Variants in CACNB4 observed in about 807,000 individuals in gnomAD.
CACNB4 encodes calcium voltage-gated channel auxiliary subunit beta 4.
Under a neutral mutation model 71.2 loss-of-function variants are expected in CACNB4, and 32 were observed. That is an observed-to-expected ratio of 0.45 (90% confidence interval 0.34 to 0.60). CACNB4 has a LOEUF of 0.60. Among genes scored for constraint, CACNB4 ranks in the 20% least tolerant of loss-of-function variants. CACNB4 has a pLI of 0.01. For synonymous variants in CACNB4, 231 were observed against 236.9 expected, an observed-to-expected ratio of 0.97 and a Z score of 0.23; for missense variants, 464 against 647.9, an observed-to-expected ratio of 0.72 and a Z score of 3.08.
chr2:152,064,335 C>A (rs997235034), intron 2 of CACNB4, among the ~76,000 whole-genome samples: 7 of 152,156 alleles, frequency 4.6e-5, no homozygotes, highest in Non-Finnish European at 1.0e-4. Context: ...ATATTTTATT[C>A]TTTAATATTT....
intron 2 of CACNB4, among the ~76,000 whole-genome samples, chr2:152,038,574 C>A (rs1211634011): frequency 6.6e-6 from 1 of 152,196 alleles, no homozygotes; most frequent in Admixed American, 6.5e-5. Context: ...AGGAAAGGCC[C>A]ACTACTCTGC....
intron 2 of CACNB4, among the ~76,000 whole-genome samples, chr2:152,033,975 C>T (rs1484321792): frequency 6.6e-6 from 1 of 152,038 alleles, no homozygotes; most frequent in Non-Finnish European, 1.5e-5. Flanking sequence ...CTTGGTGTGT[C>T]TGGGTCACAT....
intron 2 of CACNB4, chr2:151,971,233 T>C: frequency 2.0e-6 from 1 of 490,326 alleles, no homozygotes; most frequent in Non-Finnish European, 3.7e-6. Flanking sequence ...AATGGTTTAC[T>C]CTTATTCGGA....
At chr2:152,057,456 G>C (rs1184171905) in intron 2 of CACNB4, among the ~76,000 whole-genome samples, 1 of 152,118 alleles carries the variant, frequency 6.6e-6, no homozygotes, top group Non-Finnish European at 1.5e-5. Context: ...TAAACAAACT[G>C]CCCCTTCACT....
chr2:151,880,467 T>G (rs2099847558), intron 4 of CACNB4: 6 of 336,274 alleles, frequency 1.8e-5, no homozygotes, highest in South Asian at 1.7e-4. Flanking sequence ...GACACCAAAC[T>G]TACATTTTCC....
Position 152,035,665 on chromosome 2 carries a change from A to ATG in CACNB4, c.147+62664_147+62665insCA, listed in dbSNP as rs1553818104. The stretch of plus-strand genomic sequence containing the variant: ...TCTCTCTCTCTCTATATATATATAT[A>ATG]TATGTATGTATGTATTAAGATGCAC... On this transcript the variant is annotated intron_variant, in intron 2 of 13. Transcript: ENST00000539935. Among the ~76,000 whole-genome samples the ATG allele has an allele frequency of 2.7e-4, 38 of 141,714 alleles. 1 individual carries two copies. The highest frequency in any genetic ancestry group is 6.9e-4 in the African/African-American group (25 of 36,408). The allele number at this position is 141,714 out of a possible 152,430, so 93.0% of individuals were successfully genotyped here. A position where few individuals can be genotyped will look rare whatever the true frequency, so the allele number is the denominator to read the frequency against.
At chr2:151,843,100 C>T (rs2099836641) in intron 12 of CACNB4, among the ~76,000 whole-genome samples, 1 of 152,154 alleles carries the variant, frequency 6.6e-6, no homozygotes, top group South Asian at 2.1e-4. Context: ...GTCCACGTTT[C>T]GGACAGTAAG....
intron 12 of CACNB4, among the ~76,000 whole-genome samples, chr2:151,843,147 G>T (rs1240096499): frequency 1.3e-5 from 2 of 152,202 alleles, no homozygotes; most frequent in Admixed American, 6.5e-5. Flanking sequence ...TCAGGAAGTT[G>T]TTCTGTTCCA....
chr2:151,842,795 G>A (rs532631433), intron 12 of CACNB4, among the ~76,000 whole-genome samples: 12 of 152,314 alleles, frequency 7.9e-5, no homozygotes, highest in African/African-American at 2.4e-4. Flanking sequence ...GTGGCACTGA[G>A]AAGGGAGTTC....
rs192738750 is a variant in CACNB4 at position 152,032,865 on chromosome 2, A to G, written c.147+65465T>C. Among the ~76,000 whole-genome samples the G allele has an allele frequency of 4.1e-3, 619 of 152,322 alleles. 9 individuals carry two copies. Among genetic ancestry groups the G allele is most frequent in the African/African-American group, 0.014 (591 of 41,558 alleles). On this transcript the variant is annotated intron_variant, in intron 2 of 13. Coordinates refer to ENST00000539935, the MANE Select transcript of CACNB4 (RefSeq NM_000726.5). Reference sequence around the variant, plus strand: ...GCTACTCAGGAGACTGAGGCAAGAGAATTGATTAAGCCCTGGAGTTCAAGG... The same window carrying G: ...GCTACTCAGGAGACTGAGGCAAGAGGATTGATTAAGCCCTGGAGTTCAAGG...
At chr2:152,077,364 C>T (rs1687090243) in intron 2 of CACNB4, among the ~76,000 whole-genome samples, 2 of 152,156 alleles carry the variant, frequency 1.3e-5, no homozygotes, top group Admixed American at 6.5e-5. Context: ...ACCAGCCTGA[C>T]CAACATGGTG....
intron 2 of CACNB4, among the ~76,000 whole-genome samples, chr2:151,896,292 TA>T (rs2151491059): frequency 6.6e-6 from 1 of 152,338 alleles, no homozygotes; most frequent in Admixed American, 6.5e-5. Flanking sequence ...CCTTGTGCAG[TA>T]ATTTAACTTC....
At position 151,841,933 on chromosome 2, in the gene CACNB4, T is replaced by A. The variant is rs767662214; in HGVS notation, c.1272A>T (p.Ser424=). Residue 424 remains serine, a synonymous_variant, in exon 13 of 14, where the codon TCA becomes TCT. Transcript: ENST00000539935. ...LGRNLGSTAL[S]PYPTAISGLQ... is the part of the protein sequence containing the mutation. ...ACCCAGAAATTGCTGTGGGATATGG[T>A]GAGAGTGCCGTGGAGCCCAAATTCC... 1.9e-6 allele frequency: 3 copies of A among 1,613,926 alleles called. No individual in the cohort carries two copies. The highest frequency in any genetic ancestry group is 2.2e-5 in the South Asian group (2 of 91,072).
chr2:151,931,255 TGAGTAATGCTAA>T (rs2151602887), intron 2 of CACNB4, among the ~76,000 whole-genome samples: 1 of 152,336 alleles, frequency 6.6e-6, no homozygotes, highest in East Asian at 1.9e-4. Context: ...CCAGTTTATA[TGAGTAATGCTAA>T]CTAGTCACTG....
At chr2:152,048,257 T>C (rs1352429252) in intron 2 of CACNB4, among the ~76,000 whole-genome samples, 2 of 152,098 alleles carry the variant, frequency 1.3e-5, no homozygotes, top group Non-Finnish European at 2.9e-5. Flanking sequence ...AAAAGTTCCC[T>C]GGGGGGCAAA....
At chr2:152,060,248 T>A (rs1685939431) in intron 2 of CACNB4, among the ~76,000 whole-genome samples, 1 of 152,254 alleles carries the variant, frequency 6.6e-6, no homozygotes, top group East Asian at 1.9e-4. Context: ...TAGCCTTTGG[T>A]GTGTAGTAAA....
chr2:152,057,261 A>T (rs983626195), intron 2 of CACNB4, among the ~76,000 whole-genome samples: 1 of 152,146 alleles, frequency 6.6e-6, no homozygotes, highest in Admixed American at 6.5e-5. Flanking sequence ...TGAGAAGCAG[A>T]TCCTTCCCAC....
chr2:151,926,967 G>A (rs1441289128), intron 2 of CACNB4, among the ~76,000 whole-genome samples: 1 of 152,076 alleles, frequency 6.6e-6, no homozygotes, highest in Non-Finnish European at 1.5e-5. Context: ...TCACAACAGT[G>A]GAAAGTTATT....
intron 2 of CACNB4, among the ~76,000 whole-genome samples, chr2:151,983,429 G>A (rs1177893686): frequency 5.9e-5 from 9 of 152,066 alleles, no homozygotes; most frequent in East Asian, 5.8e-4. Flanking sequence ...CCCAAGAGGC[G>A]CAAATGGAAA....
Sources: gnomAD v4.1 joint callset for allele counts (sites outside exome capture counted in the v4.1 genomes callset) on GRCh38, gnomAD v4.1.1 for gene constraint, MANE v1.5 for transcripts, NCBI Gene and HGNC (gene_info 2026-07-23, HGNC 2026-07-21) for gene names.